The following BLVRA variants were observed in gnomAD, a reference collection of about 807,000 sequenced individuals.
The protein encoded by BLVRA is BVR A.
A neutral mutation model predicts 32.8 loss-of-function variants in BLVRA; 22 were observed. That is an observed-to-expected ratio of 0.67 (90% CI 0.48 to 0.96). The LOEUF (loss-of-function observed/expected upper bound fraction) is 0.96. Among genes scored for constraint, BLVRA ranks in the 40% least tolerant of loss-of-function variants. The probability of loss-of-function intolerance (pLI) is 0.00; values close to 1 mark genes in which losing one functional copy is unlikely to be tolerated. For synonymous variants in BLVRA, 119 were observed against 141.3 expected (o/e 0.84, Z 1.12); for missense variants, 323 against 358.1 (o/e 0.90, Z 0.79).
Position 43,803,771 on chromosome 7 carries a change from G to T in BLVRA, c.556G>T (p.Val186Leu), listed in dbSNP as rs769105616. The change falls in exon 7 of 8, where the codon GTG (valine) becomes TTG (leucine). Residue 186 changes from valine to leucine, a missense_variant. Physicochemically the swap from Val to Leu is conservative, Grantham distance 32. Coordinates refer to ENST00000265523, the MANE Select transcript of BLVRA (RefSeq NM_000712.4). ...CTCCCTCTTTGGGGAGCTTTCTCTT[G>T]TGTCTGCCACTTTGGAAGAGCGAAA... is the stretch of plus-strand genomic sequence containing the variant. ...LVSLFGELSL[V>L]SATLEERKED... 1.7e-5 allele frequency: 28 copies of T among 1,614,112 alleles called. No homozygotes were observed. Among genetic ancestry groups the T allele is most frequent in the Non-Finnish European group, 2.4e-5 (28 of 1,179,994 alleles).
chr7:43,800,959 G>A (rs1201812567), intron 6 of BLVRA, among the ~76,000 whole-genome samples: 2 of 151,938 alleles, frequency 1.3e-5, no homozygotes, highest in Non-Finnish European at 2.9e-5. Flanking sequence ...AGCAACCACA[G>A]TATTTATTTA....
At chr7:43,780,020 C>T (rs1229131501) in intron 2 of BLVRA, among the ~76,000 whole-genome samples, 2 of 152,090 alleles carry the variant, frequency 1.3e-5, no homozygotes, top group East Asian at 3.9e-4. Context: ...ATTACAGGAG[C>T]ACCACCACAC....
chr7:43,776,159 T>G (rs921068349), intron 2 of BLVRA, among the ~76,000 whole-genome samples: 7 of 152,230 alleles, frequency 4.6e-5, no homozygotes, highest in Admixed American at 4.6e-4. Context: ...TGCTCTGATT[T>G]TAGTTATTTC....
Position 43,803,675 on chromosome 7 carries a change from G to C in BLVRA, c.461-1G>C. 1 of 1,601,366 alleles carries C rather than the reference G, an allele frequency of 6.2e-7. No individual in the cohort carries two copies. Among genetic ancestry groups the C allele is most frequent in the Non-Finnish European group, 8.5e-7 (1 of 1,174,008 alleles). On this transcript the variant is annotated splice_acceptor_variant, in intron 6 of 7. Coordinates refer to ENST00000265523, the MANE Select transcript of BLVRA (RefSeq NM_000712.4). LOFTEE classifies it high-confidence loss of function. ...CCCACAGCATTTGTGATTTCCCACA[G>C]CTGGCCCGTTGGAAGAAGAGCGGTT...
At chr7:43,783,323 G>GA (rs2095772450) in intron 2 of BLVRA, among the ~76,000 whole-genome samples, 1 of 152,120 alleles carries the variant, frequency 6.6e-6, no homozygotes, top group African/African-American at 2.4e-5. Flanking sequence ...TCCTTTCAAA[G>GA]AGATTCTAAA....
At chr7:43,790,426 GAC>G (rs138248593) in intron 3 of BLVRA, among the ~76,000 whole-genome samples, 197 of 151,062 alleles carry the variant, frequency 1.3e-3, no homozygotes, top group African/African-American at 4.6e-3. Flanking sequence ...GAGGGAGGAA[GAC>G]ACACACACAC....
At position 43,800,578 on chromosome 7, in the gene BLVRA, T is replaced by C. The variant is rs2095797581; in HGVS notation, c.460+6T>C. On this transcript the variant is annotated splice_donor_region_variant and intron_variant, in intron 6 of 7. Transcript: ENST00000265523. ...AGGGTCGCTCCTCTTCACAGGTCAGTGCTACGTGGGATCACAGGTCACATG... is the reference window on the plus strand; with the variant it reads ...AGGGTCGCTCCTCTTCACAGGTCAGCGCTACGTGGGATCACAGGTCACATG... The C allele has an allele frequency of 6.2e-7, 1 of 1,612,724 alleles. No individual in the cohort carries two copies. The highest frequency in any genetic ancestry group is 1.7e-5 in the Admixed American group (1 of 59,988).
chr7:43,785,991 G>C (rs1246135252), intron 2 of BLVRA, among the ~76,000 whole-genome samples: 1 of 152,050 alleles, frequency 6.6e-6, no homozygotes, highest in Non-Finnish European at 1.5e-5. Context: ...AGAACAGATT[G>C]AACAAATAGC....
chr7:43,761,588 C>T (rs1328861557), intron 1 of BLVRA, among the ~76,000 whole-genome samples: 1 of 151,828 alleles, frequency 6.6e-6, no homozygotes, highest in Non-Finnish European at 1.5e-5. Context: ...TTCATTGATC[C>T]CCCAAATGTT....
rs572427416 is a variant in BLVRA, at chr7:43,807,280, G to A, written c.*45G>A. On this transcript the variant is annotated 3_prime_UTR_variant, in exon 8 of 8. Transcript: ENST00000265523. ...ACTTCCAAGATGGCACCAGCATTTG[G>A]TTCTTCTCAAGAGTTGACCATTATC... is the stretch of plus-strand genomic sequence containing the variant. 10 of 1,599,410 alleles carry A rather than the reference G, an allele frequency of 6.3e-6. No homozygotes were observed. The African/African-American group carries it at 9.3e-5, about 15-fold the overall frequency.
rs1233502338 is a variant in BLVRA, at chr7:43,795,424, G to A, written c.352+2612G>A. On this transcript the variant is annotated intron_variant, in intron 5 of 7. Coordinates refer to ENST00000265523, the MANE Select transcript of BLVRA (RefSeq NM_000712.4). The stretch of plus-strand genomic sequence containing the variant: ...CCAGCTACTGGGGAGGCTGAGGCAG[G>A]AGAATTGCTTAAACCCAGGAGGCAG... Among the ~76,000 whole-genome samples, 5 of 152,066 alleles carry A rather than the reference G, an allele frequency of 3.3e-5. No homozygotes were observed. In the East Asian group the frequency reaches 9.7e-4, roughly 30 times the overall value.
In BLVRA at chr7:43,803,726, T is replaced by A; in HGVS notation, c.511T>A (p.Ser171Thr). 6.2e-7 allele frequency: 1 copy of A among 1,613,872 alleles called. No individual in the cohort carries two copies. Among genetic ancestry groups the A allele is most frequent in the Non-Finnish European group, 8.5e-7 (1 of 1,179,836 alleles). ...RFGFPAFSGI[S>T]RLTWLVSLFG... Reference sequence around the variant, plus strand: ...TGGCTTCCCTGCATTCAGCGGCATCTCTCGCCTGACCTGGCTGGTCTCCCT... The same window carrying A: ...TGGCTTCCCTGCATTCAGCGGCATCACTCGCCTGACCTGGCTGGTCTCCCT... Residue 171 changes from serine to threonine, a missense_variant, in exon 7 of 8, where the codon TCT (serine) becomes ACT (threonine). Transcript: ENST00000265523.
chr7:43,779,044 A>G (rs1000429688), intron 2 of BLVRA, among the ~76,000 whole-genome samples: 3 of 152,212 alleles, frequency 2.0e-5, no homozygotes, highest in African/African-American at 7.2e-5. Flanking sequence ...CCAATTTTCC[A>G]GGTGCTGTCT....
intron 7 of BLVRA, among the ~76,000 whole-genome samples, chr7:43,804,381 C>G (rs933641087): frequency 6.6e-6 from 1 of 152,098 alleles, no homozygotes; most frequent in Non-Finnish European, 1.5e-5. Context: ...GCAGAGGTTG[C>G]AGTGAGCTGA....
chr7:43,781,970 A>G (rs1462683395), intron 2 of BLVRA, among the ~76,000 whole-genome samples: 1 of 152,114 alleles, frequency 6.6e-6, no homozygotes, highest in Non-Finnish European at 1.5e-5. Flanking sequence ...TGTACTGCAC[A>G]AACAGTTTTC....
Position 43,792,954 on chromosome 7 carries a change from C to T in BLVRA, c.352+142C>T, listed in dbSNP as rs2095787870. The T allele has an allele frequency of 3.8e-6, 3 of 798,898 alleles. No homozygotes were observed. The East Asian group carries it at 8.0e-5, about 21-fold the overall frequency. 49.5% of individuals were successfully genotyped at this position (798,898 alleles called of 1,614,324 possible). The stretch of plus-strand genomic sequence containing the variant: ...GCTCCCAACTGCCTCCTCACCCCCA[C>T]ACTGTAAACACAGATAGTGGAGGGC... On this transcript the variant is annotated intron_variant, in intron 5 of 7. Transcript: ENST00000265523.
In BLVRA at chr7:43,767,582, G is replaced by A. The variant is rs185665750; in HGVS notation, c.-21-3556G>A. The stretch of plus-strand genomic sequence containing the variant: ...GAATGAAGGCTCATGACAGTGACAT[G>A]AAGGCAAACAGGATTAAAGTGAACA... On this transcript the variant is annotated intron_variant, in intron 1 of 7. Transcript: ENST00000265523. 3.2e-3 allele frequency: 3,131 copies of A among 991,166 alleles called. 21 individuals carry two copies. Among genetic ancestry groups the A allele is most frequent in the South Asian group, 3.5e-3 (271 of 78,514 alleles). The allele number at this position is 991,166 out of a possible 1,614,324, so 61.4% of individuals were successfully genotyped here. A position where few individuals can be genotyped will look rare whatever the true frequency, so the allele number is the denominator to read the frequency against.
intron 3 of BLVRA, among the ~76,000 whole-genome samples, chr7:43,789,600 C>T (rs2095782925): frequency 6.6e-6 from 1 of 152,216 alleles, no homozygotes; most frequent in African/African-American, 2.4e-5. Context: ...CCTTAAGCCC[C>T]AGTCCTCTGC....
In BLVRA at chr7:43,791,383, C is replaced by A. The variant is rs1334020757; in HGVS notation, c.254+15C>A. ...GACTACATCAGGTGGGTTTTCCACA[C>A]AGGCAGTCCTTGCCTTACACAGCAG... On this transcript the variant is annotated intron_variant, in intron 4 of 7. Transcript: ENST00000265523. The A allele has an allele frequency of 6.2e-7, 1 of 1,614,064 alleles. No homozygotes were observed. Among genetic ancestry groups the A allele is most frequent in the Non-Finnish European group, 8.5e-7 (1 of 1,179,976 alleles).
Sources: allele counts gnomAD v4.1 joint callset (sites outside exome capture counted in the v4.1 genomes callset), GRCh38; gene constraint gnomAD v4.1.1; transcripts MANE v1.5; gene names NCBI Gene and HGNC (gene_info 2026-07-23, HGNC 2026-07-21).